Variants in DYTN observed in about 807,000 individuals in gnomAD.
The protein encoded by DYTN is dystrotelin.
In DYTN, 75 loss-of-function variants were observed where a neutral mutation model predicts 69.6. The observed-to-expected ratio is 1.08, with a 90% CI of 0.89 to 1.31. DYTN has a LOEUF of 1.31. DYTN is among the 50% of genes most tolerant of loss of function. DYTN has a pLI of 0.00. For missense variants in DYTN, 726 were observed against 688.4 expected (o/e 1.05, Z -0.61); for synonymous variants, 252 against 249.1 (o/e 1.01, Z -0.11).
chr2:206,675,662 C>T (rs1448894328), intron 9 of DYTN, among the ~76,000 whole-genome samples: 8 of 152,002 alleles, frequency 5.3e-5, no homozygotes, highest in Non-Finnish European at 1.2e-4. Context: ...AGGTTTAATG[C>T]AAAGCTAACC....
At position 206,699,719 on chromosome 2, in the gene DYTN, G is replaced by C; in HGVS notation, c.719+8C>G. ...TGATAATCCAAGAAATGCTGCTGAT[G>C]ACTGTACCTGAGTCCCGTGATTGGG... On this transcript the variant is annotated splice_region_variant and intron_variant, in intron 7 of 11. Coordinates refer to ENST00000452335, the MANE Select transcript of DYTN (RefSeq NM_001093730.1). 1 of 1,609,844 alleles carries C rather than the reference G, an allele frequency of 6.2e-7. No individual in the cohort carries two copies. The highest frequency in any genetic ancestry group is 8.5e-7 in the Non-Finnish European group (1 of 1,178,316).
intron 2 of DYTN, among the ~76,000 whole-genome samples, chr2:206,709,051 T>C (rs561135409): frequency 6.6e-6 from 1 of 152,300 alleles, no homozygotes; most frequent in Non-Finnish European, 1.5e-5. Context: ...GTTCCTGGAA[T>C]AATAAATAAT....
intron 4 of DYTN, chr2:206,705,146 G>A (rs1011432484): frequency 1.8e-5 from 10 of 557,244 alleles, no homozygotes; most frequent in African/African-American, 1.7e-4. Context: ...CCCCAGGTTA[G>A]AGTGCAATGG....
chr2:206,660,135 G>A (rs767214458), intron 11 of DYTN, among the ~76,000 whole-genome samples: 1 of 152,134 alleles, frequency 6.6e-6, no homozygotes, highest in Non-Finnish European at 1.5e-5. Flanking sequence ...AAAGCATTAA[G>A]TAAATATTTT....
chr2:206,682,375 T>C (rs1057286650), intron 9 of DYTN, among the ~76,000 whole-genome samples: 4 of 152,208 alleles, frequency 2.6e-5, no homozygotes, highest in African/African-American at 9.6e-5. Context: ...TCAATTGTTA[T>C]TTGACCTAGC....
chr2:206,689,264 T>C (rs1219662614), intron 9 of DYTN, among the ~76,000 whole-genome samples: 1 of 152,252 alleles, frequency 6.6e-6, no homozygotes, highest in Non-Finnish European at 1.5e-5. Context: ...GTTTGCTGAA[T>C]CATTGAACGA....
intron 3 of DYTN, among the ~76,000 whole-genome samples, chr2:206,706,617 C>T (rs978337554): frequency 3.3e-5 from 5 of 151,474 alleles, no homozygotes; most frequent in Admixed American, 6.6e-5. Context: ...TTACTTTTTT[C>T]GTCTACTTTC....
intron 11 of DYTN, among the ~76,000 whole-genome samples, chr2:206,661,960 A>G: frequency 6.6e-6 from 1 of 152,204 alleles, no homozygotes; most frequent in Admixed American, 6.5e-5. Context: ...AGGAAATAAT[A>G]CTTCAAATTT....
At chr2:206,678,012 T>C (rs914994139) in intron 9 of DYTN, among the ~76,000 whole-genome samples, 3 of 152,048 alleles carry the variant, frequency 2.0e-5, no homozygotes, top group Non-Finnish European at 4.4e-5. Flanking sequence ...ACTAACGCTT[T>C]TATAAGAATT....
At chr2:206,674,587 A>G (rs1014547095) in intron 9 of DYTN, among the ~76,000 whole-genome samples, 1 of 152,160 alleles carries the variant, frequency 6.6e-6, no homozygotes, top group Non-Finnish European at 1.5e-5. Context: ...TAATGTAGCC[A>G]TAAAAACTCA....
At chr2:206,675,159 A>G (rs1385563214) in intron 9 of DYTN, among the ~76,000 whole-genome samples, 1 of 116,076 alleles carries the variant, frequency 8.6e-6, no homozygotes. Context: ...ATATGTGTAT[A>G]TATATTTAAA....
At chr2:206,703,097 G>A (rs1238015822) in intron 5 of DYTN, among the ~76,000 whole-genome samples, 1 of 152,168 alleles carries the variant, frequency 6.6e-6, no homozygotes, top group African/African-American at 2.4e-5. Context: ...GATGCCTGGG[G>A]TGCGGGTAGG....
At chr2:206,688,788 A>T (rs977026993) in intron 9 of DYTN, among the ~76,000 whole-genome samples, 8 of 152,158 alleles carry the variant, frequency 5.3e-5, no homozygotes, top group African/African-American at 1.9e-4. Flanking sequence ...TTCTGTACTC[A>T]ATAAAATATT....
In DYTN at chr2:206,663,137, T is replaced by G; in HGVS notation, c.1399A>C (p.Ser467Arg). The G allele has an allele frequency of 6.2e-7, 1 of 1,613,972 alleles. No individual in the cohort carries two copies. The highest frequency in any genetic ancestry group is 8.5e-7 in the Non-Finnish European group (1 of 1,179,882). ...TTCTGTGGCATCTTTTGTGTTTGGC[T>G]TTGTGCCCTGGTGCTGTGCAAAGTG... Reference protein sequence around the residue: ...ETTLHSTRAQSQTQKMPQKVI... With the variant: ...ETTLHSTRAQRQTQKMPQKVI... The change falls in exon 11 of 12, where the codon AGC becomes CGC. Residue 467 changes from serine to arginine, a missense_variant. Coordinates refer to ENST00000452335, the MANE Select transcript of DYTN (RefSeq NM_001093730.1).
chr2:206,713,613 G>T (rs557382092), intron 1 of DYTN, among the ~76,000 whole-genome samples: 1 of 152,198 alleles, frequency 6.6e-6, no homozygotes, highest in East Asian at 1.9e-4. Context: ...GGACATGGTG[G>T]GGTTGAGGAA....
intron 9 of DYTN, among the ~76,000 whole-genome samples, chr2:206,680,996 C>T (rs905860254): frequency 6.6e-6 from 1 of 152,064 alleles, no homozygotes; most frequent in East Asian, 1.9e-4. Flanking sequence ...GATATTGGTT[C>T]TTCTATTCAT....
chr2:206,695,018 A>C, intron 7 of DYTN, 141 bp from the exon 8 acceptor site: 1 of 565,702 alleles, frequency 1.8e-6, no homozygotes. Flanking sequence ...GTTTCTCCCA[A>C]ACTATAGGAT....
intron 9 of DYTN, among the ~76,000 whole-genome samples, chr2:206,669,970 TC>T (rs145087892): frequency 0.012 from 1,889 of 152,310 alleles, 43 homozygotes; most frequent in African/African-American, 0.043. Context: ...ACAAAGGTCT[TC>T]CCTCAGGGGA....
intron 11 of DYTN, among the ~76,000 whole-genome samples, chr2:206,657,512 G>A (rs4673361): frequency 0.31 from 46,592 of 151,890 alleles, 8,292 homozygotes; most frequent in African/African-American, 0.49. Flanking sequence ...TTTTAATGTT[G>A]TTTTTAATAC....
Sources: gnomAD v4.1 joint callset for allele counts (sites outside exome capture counted in the v4.1 genomes callset) on GRCh38, gnomAD v4.1.1 for gene constraint, MANE v1.5 for transcripts, NCBI Gene and HGNC (gene_info 2026-07-23, HGNC 2026-07-21) for gene names.